DAB2IP: variants seen among roughly 807,000 people sequenced by gnomAD.
DAB2IP encodes the protein DAB2 interacting protein, also known as disabled homolog 2-interacting protein.
In DAB2IP, 28 loss-of-function variants were observed where a neutral mutation model predicts 107.2. The observed-to-expected ratio is 0.26, with a 90% CI of 0.19 to 0.36. The LOEUF (loss-of-function observed/expected upper bound fraction) is 0.36, where lower values mean the gene tolerates loss of function less well. Ranked by LOEUF, DAB2IP falls within the 10% of genes least tolerant of loss-of-function variation. The probability of loss-of-function intolerance (pLI) is 1.00; values close to 1 mark genes in which losing one functional copy is unlikely to be tolerated. For synonymous variants in DAB2IP, 755 were observed against 706.4 expected, an observed-to-expected ratio of 1.07 and a Z score of -1.09; for missense variants, 1,400 against 1,644.7, an observed-to-expected ratio of 0.85 and a Z score of 2.57.
intron 3 of DAB2IP, among the ~76,000 whole-genome samples, chr9:121,713,705 C>T (rs1378857719): frequency 6.6e-6 from 1 of 152,176 alleles, no homozygotes; most frequent in Non-Finnish European, 1.5e-5. Flanking sequence ...AATTTGTTCA[C>T]AGCAGCTGGG....
chr9:121,728,051 A>G (rs1445582210), intron 3 of DAB2IP, among the ~76,000 whole-genome samples: 1 of 152,164 alleles, frequency 6.6e-6, no homozygotes, highest in African/African-American at 2.4e-5. Context: ...CTCAGGGCAT[A>G]CAGGGGATGG....
intron 2 of DAB2IP, among the ~76,000 whole-genome samples, chr9:121,691,762 G>A (rs1214406649): frequency 6.6e-6 from 1 of 152,150 alleles, no homozygotes; most frequent in Non-Finnish European, 1.5e-5. Flanking sequence ...CCGGAGGAAG[G>A]ATGAAAATTA....
chr9:121,678,991 C>A (rs976667584), intron 2 of DAB2IP: 7 of 465,726 alleles, frequency 1.5e-5, no homozygotes, highest in Non-Finnish European at 2.6e-5. Context: ...GGGTCCCATC[C>A]TGAGAGGGAG....
At chr9:121,696,426 G>C (rs1016527180) in intron 2 of DAB2IP, among the ~76,000 whole-genome samples, 1 of 152,226 alleles carries the variant, frequency 6.6e-6, no homozygotes, top group Non-Finnish European at 1.5e-5. Flanking sequence ...AAGAGTTTCT[G>C]ACTTGAAGAC....
chr9:121,698,532 G>T lies in DAB2IP; in HGVS notation c.229-793G>T, dbSNP rs990295299. Reference sequence around the variant, plus strand: ...CCCAAATCTTGAAGCTTTTAATGGGGATACTCAGCAAACCCTTCAGCCCCT... The same window carrying T: ...CCCAAATCTTGAAGCTTTTAATGGGTATACTCAGCAAACCCTTCAGCCCCT... On this transcript the variant is annotated intron_variant, in intron 2 of 15. Coordinates refer to ENST00000408936, the Ensembl canonical transcript of DAB2IP. The surrounding 1 kb of genome is among the most constrained non-coding windows in gnomAD (Gnocchi z 4.1). 1.3e-5 allele frequency among the ~76,000 whole-genome samples: 2 copies of T among 152,192 alleles called. No individual in the cohort carries two copies. Among genetic ancestry groups the T allele is most frequent in the African/African-American group, 4.8e-5 (2 of 41,450 alleles).
chr9:121,583,065 AC>A (rs1465609791), intron 1 of DAB2IP, among the ~76,000 whole-genome samples: 1 of 152,228 alleles, frequency 6.6e-6, no homozygotes, highest in Non-Finnish European at 1.5e-5. Flanking sequence ...AGCCACGAAA[AC>A]AGAACAAAAC....
At chr9:121,674,366 C>G (rs1030076330) in intron 1 of DAB2IP, among the ~76,000 whole-genome samples, 1 of 152,184 alleles carries the variant, frequency 6.6e-6, no homozygotes, top group Non-Finnish European at 1.5e-5. Context: ...ACAGGAGATA[C>G]CTGGGAAGGT....
intron 3 of DAB2IP, chr9:121,743,023 C>T: frequency 4.1e-6 from 4 of 981,402 alleles, no homozygotes; most frequent in South Asian, 4.7e-5. Flanking sequence ...ATGGAGCAGT[C>T]AGGGCCTCGT....
chr9:121,645,002 G>A (rs1832489673), intron 1 of DAB2IP, among the ~76,000 whole-genome samples: 1 of 152,234 alleles, frequency 6.6e-6, no homozygotes, highest in Admixed American at 6.5e-5. Context: ...TGCTTGAGAA[G>A]GGAGGGGGCT....
intron 7 of DAB2IP, 30 bp from the exon 8 acceptor site, chr9:121,763,705 A>G (rs1270797975): frequency 1.2e-6 from 2 of 1,611,554 alleles, no homozygotes; most frequent in African/African-American, 2.7e-5. Context: ...CCAGGTCCTC[A>G]CTCCCCACTC....
intron 1 of DAB2IP, among the ~76,000 whole-genome samples, chr9:121,618,945 A>G (rs75060482): frequency 0.034 from 5,229 of 152,256 alleles, 303 homozygotes; most frequent in African/African-American, 0.12. Context: ...AAACAATTGG[A>G]TTGAACCTAA....
chr9:121,588,716 C>T (rs1037940570), intron 1 of DAB2IP, among the ~76,000 whole-genome samples: 2 of 151,840 alleles, frequency 1.3e-5, no homozygotes, highest in Non-Finnish European at 2.9e-5. Flanking sequence ...CTCAGCCCAC[C>T]CTACACCTGG....
At chr9:121,785,466 G>C (rs369913494) in exon 16 of DAB2IP, 5 of 152,648 alleles carry the variant, frequency 3.3e-5, no homozygotes, top group African/African-American at 9.7e-5. Flanking sequence ...CTAAGACTCT[G>C]TGTGGCTGTG....
At position 121,646,106 on chromosome 9, in the gene DAB2IP, C is replaced by T. The variant is rs577442884; in HGVS notation, c.41-32572C>T. On this transcript the variant is annotated intron_variant, in intron 1 of 16. Transcript: ENST00000259371. ...CTGTCTCTGTGTGTTCAAATGTCCA[C>T]GCTTGACTGGTCCCCCACTTCCGCC... is the stretch of plus-strand genomic sequence containing the variant. Among the ~76,000 whole-genome samples the T allele has an allele frequency of 1.4e-4, 21 of 152,308 alleles. No individual in the cohort carries two copies. The East Asian group carries it at 2.7e-3, about 20-fold the overall frequency.
At chr9:121,595,602 CA>C (rs34697198) in intron 1 of DAB2IP, among the ~76,000 whole-genome samples, 72 of 133,270 alleles carry the variant, frequency 5.4e-4, no homozygotes, top group Admixed American at 7.5e-4. Context: ...GGTGCTGTCT[CA>C]AAAAAAAAAA....
intron 1 of DAB2IP, among the ~76,000 whole-genome samples, chr9:121,580,013 C>T (rs1830156197): frequency 6.6e-6 from 1 of 152,146 alleles, no homozygotes; most frequent in Non-Finnish European, 1.5e-5. Context: ...GATGCCCAGC[C>T]TCGCCCTAGA....
chr9:121,650,561 A>C (rs2119057534), upstream of DAB2IP, among the ~76,000 whole-genome samples: 1 of 152,328 alleles, frequency 6.6e-6, no homozygotes, highest in East Asian at 1.9e-4. Flanking sequence ...GGCTAAGACC[A>C]CTTGCCTCTG....
chr9:121,583,082 A>G (rs577818591), intron 1 of DAB2IP, among the ~76,000 whole-genome samples: 2 of 152,366 alleles, frequency 1.3e-5, no homozygotes, highest in South Asian at 4.1e-4. Context: ...AAAACAAAAC[A>G]TAATTTTAGA....
In DAB2IP at chr9:121,772,848, G is replaced by A; in HGVS notation, c.2320G>A (p.Gly774Arg). The change falls in exon 12 of 16, where the codon GGG (glycine) becomes AGG (arginine). Residue 774 changes from glycine to arginine, a missense_variant. Physicochemically the swap from Gly to Arg is moderately radical, Grantham distance 125 (BLOSUM62 -2). This residue lies in a region of DAB2IP where 600 missense variants were observed against 659.1 expected (regional missense o/e 0.91). Transcript: ENST00000408936. This position sits in a 1 kb window ranked among gnomAD's most constrained non-coding sequence, Gnocchi z 4.7. ...GGGCCCCGACGTCCTCCCCACAGAT[G>A]GGCAGGCCGCTGCAGCTCAGCTGGT... 1 of 1,599,098 alleles carries A rather than the reference G, an allele frequency of 6.3e-7. No individual in the cohort carries two copies. Among genetic ancestry groups the A allele is most frequent in the South Asian group, 1.1e-5 (1 of 90,286 alleles).
Sources: gnomAD v4.1 joint callset for allele counts (sites outside exome capture counted in the v4.1 genomes callset) on GRCh38, gnomAD v4.1.1 for gene constraint, gnomAD v4.1.1 regional missense constraint, Gnocchi (gnomAD v3.1) non-coding constraint, MANE v1.5 for transcripts, NCBI Gene and HGNC (gene_info 2026-07-23, HGNC 2026-07-21) for gene names.